Variants in SYNJ2 observed in about 807,000 individuals in gnomAD.
The protein encoded by SYNJ2 is polyphosphatidylinositol phosphatase SYNJ2.
In SYNJ2, 116 loss-of-function variants were observed where a neutral mutation model predicts 141.3. That is an observed-to-expected ratio of 0.82 (90% CI 0.71 to 0.96). The LOEUF is 0.96. SYNJ2 is among the 40% of genes least tolerant of loss of function. The pLI is 0.00. For missense variants in SYNJ2, 1,873 were observed against 1,934.8 expected (o/e 0.97, Z 0.60); for synonymous variants, 745 against 777.7 (o/e 0.96, Z 0.70).
intron 2 of SYNJ2, among the ~76,000 whole-genome samples, chr6:158,022,589 A>C (rs1778835250): frequency 6.6e-6 from 1 of 152,180 alleles, no homozygotes; most frequent in Non-Finnish European, 1.5e-5. Context: ...TCCTCCTGGG[A>C]GGCCCAGAGA....
chr6:157,992,113 CT>C (rs1168365482), intron 1 of SYNJ2, among the ~76,000 whole-genome samples: 1 of 152,200 alleles, frequency 6.6e-6, no homozygotes, highest in Non-Finnish European at 1.5e-5. Context: ...ACACATTTAT[CT>C]TTTGTGTTAC....
intron 2 of SYNJ2, among the ~76,000 whole-genome samples, chr6:158,021,760 G>A (rs1283206151): frequency 6.6e-6 from 1 of 152,232 alleles, no homozygotes; most frequent in African/African-American, 2.4e-5. Context: ...TTGGGATGCA[G>A]TGTTCTCTAG....
In SYNJ2 at chr6:158,063,591, G is replaced by A. The variant is rs371629182; in HGVS notation, c.1128-200G>A. Among the ~76,000 whole-genome samples, 29 of 149,748 alleles carry A rather than the reference G, an allele frequency of 1.9e-4. 1 individual carries two copies. In the East Asian group the frequency reaches 4.5e-3, roughly 23 times the overall value. The stretch of plus-strand genomic sequence containing the variant: ...GGAGAATCGCTTGAACCTGGGAGGC[G>A]GAGGTTGCAGTGAGCCGAGATCATG... On this transcript the variant is annotated intron_variant, in intron 8 of 26. Transcript: ENST00000355585.
At chr6:158,022,629 G>T (rs1173551610) in intron 2 of SYNJ2, among the ~76,000 whole-genome samples, 1 of 152,226 alleles carries the variant, frequency 6.6e-6, no homozygotes. Flanking sequence ...GGCCACACAG[G>T]CCACTGGAGG....
chr6:158,069,468 G>C, intron 13 of SYNJ2, 65 bp from the exon 14 acceptor site: 3 of 1,559,722 alleles, frequency 1.9e-6, no homozygotes, highest in African/African-American at 1.4e-5. Context: ...TGGAGCATTT[G>C]GTAGGTGGGA....
At chr6:158,003,517 A>AC (rs1479384015) in intron 1 of SYNJ2, among the ~76,000 whole-genome samples, 2 of 152,200 alleles carry the variant, frequency 1.3e-5, no homozygotes, top group East Asian at 1.9e-4. Context: ...ACCCTGAAAT[A>AC]CAAGAAGATG....
At chr6:158,080,214 G>A (rs6930539) in intron 18 of SYNJ2, among the ~76,000 whole-genome samples, 81,547 of 151,710 alleles carry the variant, frequency 0.54, 22,317 homozygotes, top group African/African-American at 0.64. Flanking sequence ...AGTGGCTCAC[G>A]CCTTTATCCC....
At position 158,084,267 on chromosome 6, in the gene SYNJ2, T is replaced by C; in HGVS notation, c.3208+93T>C. ...CTCTTGGCGATTGGGCACTGTGTGA[T>C]ATCAAGTATGCAGGTCCCAGGAGAG... is the stretch of plus-strand genomic sequence containing the variant. On this transcript the variant is annotated intron_variant, in intron 22 of 26. Coordinates refer to ENST00000355585, the MANE Select transcript of SYNJ2 (RefSeq NM_003898.4). The surrounding 1 kb of genome is among the most constrained non-coding windows in gnomAD (Gnocchi z 5.0). 1 of 1,409,536 alleles carries C rather than the reference T, an allele frequency of 7.1e-7. No individual in the cohort carries two copies. 87.3% of individuals were successfully genotyped at this position (1,409,536 alleles called of 1,614,324 possible). A position where few individuals can be genotyped will look rare whatever the true frequency, so the allele number is the denominator to read the frequency against.
At chr6:158,053,724 TCCAGCCATCAATCCAC>T (rs1473137719) in intron 5 of SYNJ2, among the ~76,000 whole-genome samples, 1 of 149,320 alleles carries the variant, frequency 6.7e-6, no homozygotes. Flanking sequence ...CATCCAGCCA[TCCAGCCATCAATCCAC>T]CCAGCCATCC....
rs1165333429 is a variant in SYNJ2, at chr6:158,059,594, G to A, written c.954+241G>A. On this transcript the variant is annotated intron_variant, in intron 7 of 26. Transcript: ENST00000355585. ...TTTAAGACAGAGTTTGGCTCTTGTC[G>A]CTCAGGCTGGAGTGCAGTGGTGCAA... 2.2e-5 allele frequency: 27 copies of A among 1,202,408 alleles called. 1 individual carries two copies. The South Asian group carries it at 3.8e-4, about 17-fold the overall frequency. The allele number at this position is 1,202,408 out of a possible 1,614,324, so 74.5% of individuals were successfully genotyped here. A position where few individuals can be genotyped will look rare whatever the true frequency, so the allele number is the denominator to read the frequency against.
chr6:158,069,712 G>T, intron 14 of SYNJ2, 39 bp downstream of exon 14: 1 of 1,561,240 alleles, frequency 6.4e-7, no homozygotes, highest in South Asian at 1.2e-5. Flanking sequence ...GGGAACAAGG[G>T]GTTGTTAGTC....
rs1461458284 is a variant in SYNJ2, at chr6:158,084,745, G to A, written c.3208+571G>A. Among the ~76,000 whole-genome samples the A allele has an allele frequency of 6.6e-6, 1 of 152,042 alleles. No individual in the cohort carries two copies. Among genetic ancestry groups the A allele is most frequent in the Non-Finnish European group, 1.5e-5 (1 of 68,010 alleles). On this transcript the variant is annotated intron_variant, in intron 22 of 26. Transcript: ENST00000355585. The surrounding 1 kb of genome is among the most constrained non-coding windows in gnomAD (Gnocchi z 5.0). ...GAGAATCGCTTGAGCTGGGGAGGCAGAGGCTGCAATGAGCCGAGATCGCCC... is the reference window on the plus strand; with the variant it reads ...GAGAATCGCTTGAGCTGGGGAGGCAAAGGCTGCAATGAGCCGAGATCGCCC...
At chr6:158,020,286 G>A (rs9459148) in intron 2 of SYNJ2, among the ~76,000 whole-genome samples, 1 of 105,108 alleles carries the variant, frequency 9.5e-6, no homozygotes, top group African/African-American at 4.1e-5. Flanking sequence ...GCGTGACTCC[G>A]ACTGTGTGAC....
chr6:158,066,549 A>G lies in SYNJ2; in HGVS notation c.1631A>G (p.Gln544Arg), dbSNP rs768358154. ...ACCTGGAACGTGAACGGAGGAAAGC[A>G]GTTCCGGAGCAACGTGCTCAGGACG... ...MGTWNVNGGK[Q>R]FRSNVLRTAE... Residue 544 changes from glutamine (Q) to arginine (R), a missense_variant, in exon 12 of 27, where the codon CAG (glutamine) becomes CGG (arginine). Transcript: ENST00000355585. 8 of 1,614,096 alleles carry G rather than the reference A, an allele frequency of 5.0e-6. No individual in the cohort carries two copies. Among genetic ancestry groups the G allele is most frequent in the Non-Finnish European group, 6.8e-6 (8 of 1,180,062 alleles).
At chr6:157,984,598 T>TG (rs1777130488) in intron 1 of SYNJ2, among the ~76,000 whole-genome samples, 1 of 151,990 alleles carries the variant, frequency 6.6e-6, no homozygotes, top group Non-Finnish European at 1.5e-5. Context: ...GAGACGGGGT[T>TG]GTGCCATTTT....
At chr6:158,086,280 C>T (rs760020063) in intron 22 of SYNJ2, among the ~76,000 whole-genome samples, 30 of 152,128 alleles carry the variant, frequency 2.0e-4, no homozygotes, top group Admixed American at 1.0e-3. Flanking sequence ...GGAGCTGTGC[C>T]TCCTGAAAAC....
Position 158,064,708 on chromosome 6 carries a change from C to T in SYNJ2, c.1317C>T (p.Ser439=). The T allele has an allele frequency of 6.2e-7, 1 of 1,614,004 alleles. No homozygotes were observed. Among genetic ancestry groups the T allele is most frequent in the Non-Finnish European group, 8.5e-7 (1 of 1,180,032 alleles). Residue 439 remains serine (S), a synonymous_variant, in exon 10 of 27, where the codon AGC becomes AGT. Coordinates refer to ENST00000355585, the MANE Select transcript of SYNJ2 (RefSeq NM_003898.4). ...AMWSLNGHSL[S]KVFTGSRALE... The stretch of plus-strand genomic sequence containing the variant: ...GGTCTCTGAATGGCCACAGCCTGAG[C>T]AAGGTGTTCACAGGCAGCAGAGCCC...
chr6:158,004,510 A>G (rs1777979835), intron 1 of SYNJ2, among the ~76,000 whole-genome samples: 1 of 152,236 alleles, frequency 6.6e-6, no homozygotes, highest in Non-Finnish European at 1.5e-5. Flanking sequence ...AAAAAGGGGA[A>G]GAACCCTCAG....
rs144725945 is a variant in SYNJ2, at chr6:158,016,416, G to A, written c.128-788G>A. On this transcript the variant is annotated intron_variant, in intron 1 of 26. Coordinates refer to ENST00000355585, the MANE Select transcript of SYNJ2 (RefSeq NM_003898.4). ...GGTTACAAAGTAAGCCACTGTGCCC[G>A]GCCAAAATGGAATCTTTCTGAGGTC... Among the ~76,000 whole-genome samples, 1,181 of 152,224 alleles carry A rather than the reference G, an allele frequency of 7.8e-3. 11 individuals carry two copies. The highest frequency in any genetic ancestry group is 0.023 in the African/African-American group (959 of 41,530).
Sources: allele counts gnomAD v4.1 joint callset (sites outside exome capture counted in the v4.1 genomes callset), GRCh38; gene constraint gnomAD v4.1.1; non-coding constraint Gnocchi (gnomAD v3.1); transcripts MANE v1.5; gene names NCBI Gene and HGNC (gene_info 2026-07-23, HGNC 2026-07-21).